MGAT4C: variants seen among roughly 807,000 people sequenced by gnomAD.
MGAT4C encodes the protein MGAT4 family member C, also known as alpha-1,3-mannosyl-glycoprotein 4-beta-N-acetylglucosaminyltransferase C.
Under a neutral mutation model 40.1 loss-of-function variants are expected in MGAT4C, and 19 were observed. The observed-to-expected ratio is 0.47, with a 90% CI of 0.33 to 0.70. The LOEUF is 0.70. Among genes scored for constraint, MGAT4C ranks in the 30% least tolerant of loss-of-function variants. MGAT4C has a pLI of 0.02. For missense variants in MGAT4C, 491 were observed against 563.2 expected (o/e 0.87, Z 1.30); for synonymous variants, 181 against 187.1 (o/e 0.97, Z 0.27).
intron 2 of MGAT4C, among the ~76,000 whole-genome samples, chr12:86,543,119 G>A (rs1959176485): frequency 6.6e-6 from 1 of 151,796 alleles, no homozygotes; most frequent in Non-Finnish European, 1.5e-5. Flanking sequence ...AACTGAGTGG[G>A]TTCTGTTTTA....
chr12:86,586,281 C>A (rs970482845), intron 2 of MGAT4C, among the ~76,000 whole-genome samples: 8 of 112,442 alleles, frequency 7.1e-5, no homozygotes, highest in Non-Finnish European at 1.3e-4. Flanking sequence ...GACATGAACT[C>A]ATCATTTTTT....
chr12:86,783,196 G>T (rs986023043), intron 1 of MGAT4C, among the ~76,000 whole-genome samples: 4 of 152,034 alleles, frequency 2.6e-5, no homozygotes, highest in Non-Finnish European at 5.9e-5. Flanking sequence ...TGATGTCATA[G>T]TCATAATACA....
chr12:86,259,082 T>C (rs2136093089), upstream of MGAT4C, among the ~76,000 whole-genome samples: 1 of 152,160 alleles, frequency 6.6e-6, no homozygotes, highest in Admixed American at 6.5e-5. Flanking sequence ...CTCCAAAGTA[T>C]ATTTTATACA....
rs1247901012 is a variant in MGAT4C, at chr12:85,960,406, T to A, written c.*18883A>T. 1 of 152,052 alleles carries A rather than the reference T, an allele frequency of 6.6e-6. No individual in the cohort carries two copies. The highest frequency in any genetic ancestry group is 1.5e-5 in the Non-Finnish European group (1 of 67,928). The allele number at this position is 152,052 out of a possible 1,614,324, so 9.4% of individuals were successfully genotyped here. A position where few individuals can be genotyped will look rare whatever the true frequency, so the allele number is the denominator to read the frequency against. On this transcript the variant is annotated 3_prime_UTR_variant, in exon 5 of 5. Coordinates refer to ENST00000611864, the MANE Select transcript of MGAT4C (RefSeq NM_001351288.2). ...GACTTCACTACTGTGTCGTCATTGG[T>A]AGAATAAGGATAACAATACTTATCA...
rs374791226 is a variant in MGAT4C at position 86,514,187 on chromosome 12, A to G, written c.-228-78922T>C. ...AATCTCTGTCCAATTAGTAGCTTAC[A>G]ATTTAGTTAACTGAGCAGAAATTTC... On this transcript the variant is annotated intron_variant, in intron 2 of 7. Coordinates refer to the MGAT4C transcript ENST00000548651. Among the ~76,000 whole-genome samples, 9 of 152,082 alleles carry G rather than the reference A, an allele frequency of 5.9e-5. No homozygotes were observed. The East Asian group carries it at 1.7e-3, about 29-fold the overall frequency.
At chr12:86,528,790 C>T (rs1958928341) in intron 2 of MGAT4C, among the ~76,000 whole-genome samples, 1 of 151,800 alleles carries the variant, frequency 6.6e-6, no homozygotes, top group Admixed American at 6.6e-5. Context: ...TCCTTTCACT[C>T]CTCATTTAAC....
chr12:86,533,058 A>G (rs1438645777), intron 2 of MGAT4C, among the ~76,000 whole-genome samples: 1 of 152,088 alleles, frequency 6.6e-6, no homozygotes, highest in Admixed American at 6.6e-5. Flanking sequence ...GATAGGTTAT[A>G]TAATTTCTAC....
At chr12:86,058,880 A>G (rs1004488885) in intron 1 of MGAT4C, among the ~76,000 whole-genome samples, 7 of 152,060 alleles carry the variant, frequency 4.6e-5, no homozygotes, top group African/African-American at 1.7e-4. Context: ...AATCTTACTA[A>G]TCAATGGTCT....
At chr12:86,078,887 T>G (rs2135536972) in intron 1 of MGAT4C, among the ~76,000 whole-genome samples, 1 of 152,334 alleles carries the variant, frequency 6.6e-6, no homozygotes, top group African/African-American at 2.4e-5. Flanking sequence ...GATACAAATA[T>G]TTTGACATCT....
intron 1 of MGAT4C, among the ~76,000 whole-genome samples, chr12:86,205,369 A>G (rs1163558675): frequency 1.3e-5 from 2 of 151,742 alleles, no homozygotes; most frequent in South Asian, 2.1e-4. Context: ...ATTTTGTCAC[A>G]TTTAAAATTC....
rs182892351 is a variant in MGAT4C at position 86,008,424 on chromosome 12, C to A, written c.-6-18872G>T. 2.1e-3 allele frequency among the ~76,000 whole-genome samples: 323 copies of A among 151,934 alleles called. 2 individuals carry two copies. Among genetic ancestry groups the A allele is most frequent in the African/African-American group, 7.2e-3 (299 of 41,474 alleles). The stretch of plus-strand genomic sequence containing the variant: ...TATCTTTTTTCTATTATAACAAGTG[C>A]TTTCTGTAAACATGTTTTCTGCTAC... On this transcript the variant is annotated intron_variant, in intron 2 of 4. Coordinates refer to ENST00000611864, the MANE Select transcript of MGAT4C (RefSeq NM_001351288.2).
At chr12:86,445,854 T>G (rs867306987) in intron 2 of MGAT4C, among the ~76,000 whole-genome samples, 1 of 152,162 alleles carries the variant, frequency 6.6e-6, no homozygotes, top group African/African-American at 2.4e-5. Flanking sequence ...TTGGAAAAAG[T>G]AGTCAATCTA....
At chr12:86,590,341 A>G (rs1961275199) in intron 2 of MGAT4C, among the ~76,000 whole-genome samples, 1 of 151,434 alleles carries the variant, frequency 6.6e-6, no homozygotes, top group African/African-American at 2.4e-5. Context: ...GTCTCTTTCA[A>G]AGCCCCTGTC....
intron 2 of MGAT4C, among the ~76,000 whole-genome samples, chr12:86,682,555 A>T (rs1857693313): frequency 6.6e-6 from 1 of 152,090 alleles, no homozygotes; most frequent in Non-Finnish European, 1.5e-5. Context: ...CTGGTAATTT[A>T]AGCTCCTTTA....
chr12:86,023,336 T>A (rs1160936572), intron 2 of MGAT4C, among the ~76,000 whole-genome samples: 1 of 151,798 alleles, frequency 6.6e-6, no homozygotes, highest in Admixed American at 6.6e-5. Flanking sequence ...TAATTAAAAT[T>A]TCCACCAAGT....
Position 86,547,543 on chromosome 12 carries a change from A to AATT in MGAT4C, c.-228-112281_-228-112279dup, listed in dbSNP as rs200755231. The stretch of plus-strand genomic sequence containing the variant: ...GCATGTACTCAAAGATACCAAGAGA[A>AATT]ATTTTGGTTAACACATATGACAATG... On this transcript the variant is annotated intron_variant, in intron 2 of 7. Coordinates refer to the MGAT4C transcript ENST00000548651. Among the ~76,000 whole-genome samples the AATT allele has an allele frequency of 2.6e-3, 391 of 152,260 alleles. 1 individual carries two copies. Among genetic ancestry groups the AATT allele is most frequent in the African/African-American group, 9.2e-3 (384 of 41,574 alleles).
intron 1 of MGAT4C, among the ~76,000 whole-genome samples, chr12:86,781,011 ATTGTGT>A (rs1253606320): frequency 1.3e-4 from 20 of 149,348 alleles, no homozygotes; most frequent in Admixed American, 3.3e-4. Flanking sequence ...ATGGCTGAGT[ATTGTGT>A]GTGTGTGTGT....
In MGAT4C at chr12:86,480,651, CAT is replaced by C. The variant is rs1471555040; in HGVS notation, c.-228-45388_-228-45387del. Among the ~76,000 whole-genome samples, 4 of 149,156 alleles carry C rather than the reference CAT, an allele frequency of 2.7e-5. No individual in the cohort carries two copies. In the East Asian group the frequency reaches 8.0e-4, roughly 30 times the overall value. ...GTATAAGTAGTTAATGATGTATAAA[CAT>C]ATGTACGTATGTGTGTATATATGTA... On this transcript the variant is annotated intron_variant, in intron 2 of 7. Transcript: ENST00000548651.
intron 1 of MGAT4C, among the ~76,000 whole-genome samples, chr12:86,236,368 T>C (rs1012962899): frequency 6.6e-6 from 1 of 152,052 alleles, no homozygotes; most frequent in African/African-American, 2.4e-5. Flanking sequence ...TGCATTTCTG[T>C]GTCTTTATTT....
Sources: allele counts gnomAD v4.1 joint callset (sites outside exome capture counted in the v4.1 genomes callset), GRCh38; gene constraint gnomAD v4.1.1; transcripts MANE v1.5; gene names NCBI Gene and HGNC (gene_info 2026-07-23, HGNC 2026-07-21).